The following TMEM132C variants were observed in gnomAD, a reference collection of about 807,000 sequenced individuals.
TMEM132C encodes transmembrane protein 132C.
TMEM132C carries 29 observed loss-of-function variants against 61.4 expected under a neutral mutation model. The ratio of observed to expected loss-of-function variants is 0.47; its 90% CI spans 0.35 to 0.64. The LOEUF is 0.64. Among genes scored for constraint, TMEM132C ranks in the 30% least tolerant of loss-of-function variants. The pLI, the probability that TMEM132C is intolerant of heterozygous loss-of-function variation, is 0.00. For synonymous variants in TMEM132C, 656 were observed against 633.1 expected (o/e 1.04, Z -0.54); for missense variants, 1,408 against 1,476.9 (o/e 0.95, Z 0.76).
chr12:128,562,696 G>A (rs1385894107), intron 3 of TMEM132C, among the ~76,000 whole-genome samples: 1 of 152,168 alleles, frequency 6.6e-6, no homozygotes, highest in East Asian at 1.9e-4. Context: ...AGCAGACAAG[G>A]GCAAGCGACC....
chr12:128,535,137 G>A (rs1486820330), intron 2 of TMEM132C, among the ~76,000 whole-genome samples: 1 of 152,156 alleles, frequency 6.6e-6, no homozygotes, highest in Non-Finnish European at 1.5e-5. Context: ...GCACGTCCTG[G>A]CCTCCTGGTG....
intron 5 of TMEM132C, among the ~76,000 whole-genome samples, chr12:128,686,401 G>A (rs1954677287): frequency 6.6e-6 from 1 of 152,186 alleles, no homozygotes; most frequent in Non-Finnish European, 1.5e-5. Flanking sequence ...ACCAACCTGG[G>A]AAACATAGCA....
intron 4 of TMEM132C, among the ~76,000 whole-genome samples, chr12:128,631,173 G>T (rs987731221): frequency 6.6e-6 from 1 of 152,214 alleles, no homozygotes; most frequent in Non-Finnish European, 1.5e-5. Flanking sequence ...GGTCGTAATG[G>T]TCTGTGTCTG....
intron 3 of TMEM132C, among the ~76,000 whole-genome samples, chr12:128,561,996 G>C (rs1209499062): frequency 1.3e-5 from 2 of 152,104 alleles, no homozygotes; most frequent in Non-Finnish European, 2.9e-5. Context: ...GTGTTGGGGG[G>C]AGTGATCCAG....
At chr12:128,310,396 G>T (rs904345284) in intron 1 of TMEM132C, among the ~76,000 whole-genome samples, 1 of 152,082 alleles carries the variant, frequency 6.6e-6, no homozygotes, top group African/African-American at 2.4e-5. Context: ...TCATGGTTCT[G>T]CAGGCTGTAC....
intron 2 of TMEM132C, among the ~76,000 whole-genome samples, chr12:128,416,189 C>T (rs959021372): frequency 2.0e-4 from 30 of 152,028 alleles, no homozygotes; most frequent in Admixed American, 5.9e-4. Context: ...AAAGGTATTC[C>T]ATCTTATAAT....
At chr12:128,294,899 T>A (rs1472141386) in intron 1 of TMEM132C, among the ~76,000 whole-genome samples, 1 of 150,570 alleles carries the variant, frequency 6.6e-6, no homozygotes, top group Non-Finnish European at 1.5e-5. Context: ...TGTAGTCAGA[T>A]TTCAAATATT....
intron 2 of TMEM132C, among the ~76,000 whole-genome samples, chr12:128,440,587 T>G (rs541272418): frequency 1.3e-5 from 2 of 152,334 alleles, no homozygotes; most frequent in South Asian, 2.1e-4. Context: ...GAATACATCT[T>G]TTTATTCTCT....
Position 128,706,055 on chromosome 12 carries a change from C to A in TMEM132C, c.3087C>A (p.Ala1029=). 6.4e-7 allele frequency: 1 copy of A among 1,551,692 alleles called. No individual in the cohort carries two copies. Among genetic ancestry groups the A allele is most frequent in the South Asian group, 1.2e-5 (1 of 84,058 alleles). The change falls in exon 9 of 9, where the codon GCC becomes GCA. Residue 1029 remains alanine (A), a synonymous_variant. Transcript: ENST00000435159. Reference sequence around the variant, plus strand: ...TGCAGAGCCAGATTCACAGGTCAGCCGACTCCGGGGGGCGGCAGGGCAGAG... The same window carrying A: ...TGCAGAGCCAGATTCACAGGTCAGCAGACTCCGGGGGGCGGCAGGGCAGAG... ...KHVQSQIHRS[A]DSGGRQGREQ...
chr12:128,412,576 A>G (rs1868597754), intron 1 of TMEM132C, among the ~76,000 whole-genome samples: 1 of 151,966 alleles, frequency 6.6e-6, no homozygotes. Flanking sequence ...GTCTCACAAG[A>G]TCTGATGGTT....
At chr12:128,456,969 T>A (rs543818135) in intron 2 of TMEM132C, among the ~76,000 whole-genome samples, 1 of 152,294 alleles carries the variant, frequency 6.6e-6, no homozygotes, top group East Asian at 1.9e-4. Flanking sequence ...TTCATCCATG[T>A]TGTTGCATGT....
intron 1 of TMEM132C, among the ~76,000 whole-genome samples, chr12:128,306,343 AG>A (rs1462639262): frequency 7.9e-5 from 12 of 151,774 alleles, no homozygotes; most frequent in Non-Finnish European, 1.2e-4. Context: ...CTGGGACTAC[AG>A]GTGCCCGCCA....
At chr12:128,652,231 G>A (rs761835539) in intron 4 of TMEM132C, among the ~76,000 whole-genome samples, 4 of 152,108 alleles carry the variant, frequency 2.6e-5, no homozygotes, top group South Asian at 2.1e-4. Flanking sequence ...CCCCATCCTC[G>A]TCTGCACATC....
At chr12:128,623,261 G>T (rs577769619) in intron 4 of TMEM132C, among the ~76,000 whole-genome samples, 1 of 152,214 alleles carries the variant, frequency 6.6e-6, no homozygotes, top group Admixed American at 6.5e-5. Context: ...AAAGGAAAGT[G>T]GGGGACTGAG....
chr12:128,441,838 C>A (rs961362452), intron 2 of TMEM132C, among the ~76,000 whole-genome samples: 7 of 151,734 alleles, frequency 4.6e-5, no homozygotes, highest in Admixed American at 4.6e-4. Context: ...ACTAAAAATA[C>A]AAAAAAAATA....
At chr12:128,618,342 A>G (rs1876876497) in intron 4 of TMEM132C, among the ~76,000 whole-genome samples, 1 of 137,016 alleles carries the variant, frequency 7.3e-6, no homozygotes, top group Non-Finnish European at 1.6e-5. Flanking sequence ...AAGTGAAGTG[A>G]TTACTAATGT....
At chr12:128,474,996 C>T (rs1470800096) in intron 2 of TMEM132C, among the ~76,000 whole-genome samples, 1 of 152,138 alleles carries the variant, frequency 6.6e-6, no homozygotes, top group African/African-American at 2.4e-5. Flanking sequence ...AACGACTTCT[C>T]CCCGCAGAGC....
chr12:128,271,921 T>C (rs1006853304), intron 1 of TMEM132C, among the ~76,000 whole-genome samples: 3 of 152,218 alleles, frequency 2.0e-5, no homozygotes, highest in African/African-American at 4.8e-5. Flanking sequence ...TAAAAATGTG[T>C]CTTTGGTATA....
At chr12:128,448,777 C>G (rs1302899759) in intron 2 of TMEM132C, among the ~76,000 whole-genome samples, 3 of 152,122 alleles carry the variant, frequency 2.0e-5, no homozygotes, top group Non-Finnish European at 4.4e-5. Flanking sequence ...CAATTATACT[C>G]TTCGTTTCTT....
Sources: gnomAD v4.1 joint callset for allele counts (sites outside exome capture counted in the v4.1 genomes callset) on GRCh38, gnomAD v4.1.1 for gene constraint, MANE v1.5 for transcripts, NCBI Gene and HGNC (gene_info 2026-07-23, HGNC 2026-07-21) for gene names.